Variants in ANKRD7 observed in about 807,000 individuals in gnomAD.
ANKRD7 encodes the protein ankyrin repeat domain 7, also known as ankyrin repeat domain-containing protein 7.
ANKRD7 carries 30 observed loss-of-function variants against 30.8 expected under a neutral mutation model. The ratio of observed to expected loss-of-function variants is 0.97; its 90% CI spans 0.73 to 1.32. The LOEUF is 1.32. Ranked by LOEUF, ANKRD7 falls within the 40% of genes most tolerant of loss-of-function variation. The pLI is 0.00. For missense variants in ANKRD7, 264 were observed against 295.7 expected, an observed-to-expected ratio of 0.89 and a Z score of 0.79; for synonymous variants, 97 against 106.6, an observed-to-expected ratio of 0.91 and a Z score of 0.55.
At chr7:118,236,652 C>T (rs1446112455) in intron 4 of ANKRD7, 138 bp from the exon 5 acceptor site, 8 of 880,314 alleles carry the variant, frequency 9.1e-6, no homozygotes, top group Non-Finnish European at 1.4e-5. Context: ...AGCAGATCTG[C>T]TGTATTTTTT....
At chr7:118,241,868 T>C (rs190663132) in intron 6 of ANKRD7, among the ~76,000 whole-genome samples, 18 of 152,216 alleles carry the variant, frequency 1.2e-4, no homozygotes, top group Admixed American at 2.6e-4. Flanking sequence ...TATACTCTTA[T>C]TTCCTCTTCT....
chr7:118,240,045 T>C, intron 6 of ANKRD7, 47 bp downstream of exon 6: 1 of 1,154,802 alleles, frequency 8.7e-7, no homozygotes, highest in Non-Finnish European at 1.1e-6. Flanking sequence ...TGCTTTTTAT[T>C]TGTTAATTTT....
At chr7:118,239,375 C>T (rs372555607) in intron 5 of ANKRD7, among the ~76,000 whole-genome samples, 45 of 152,260 alleles carry the variant, frequency 3.0e-4, no homozygotes, top group African/African-American at 1.1e-3. Context: ...ACACCCCTGT[C>T]CCCCTACTTC....
At chr7:118,227,332 C>T (rs1282979035) in intron 1 of ANKRD7, among the ~76,000 whole-genome samples, 1 of 152,174 alleles carries the variant, frequency 6.6e-6, no homozygotes, top group Non-Finnish European at 1.5e-5. Flanking sequence ...TGCTGGCAAG[C>T]CACCTCCTTT....
At chr7:118,225,870 A>C (rs1395466460) in intron 1 of ANKRD7, among the ~76,000 whole-genome samples, 1 of 152,040 alleles carries the variant, frequency 6.6e-6, no homozygotes, top group Non-Finnish European at 1.5e-5. Flanking sequence ...ATCTGATTCC[A>C]TTTTCTCACC....
At chr7:118,228,239 C>T (rs1809578197) in intron 1 of ANKRD7, among the ~76,000 whole-genome samples, 1 of 152,138 alleles carries the variant, frequency 6.6e-6, no homozygotes, top group South Asian at 2.1e-4. Context: ...TCTCTCTCTA[C>T]TTTTATCTTC....
intron 1 of ANKRD7, among the ~76,000 whole-genome samples, chr7:118,231,878 G>A (rs1014332440): frequency 1.3e-5 from 2 of 152,046 alleles, no homozygotes; most frequent in Non-Finnish European, 2.9e-5. Context: ...CCAGTACTAA[G>A]CTTCACAGGA....
At chr7:118,239,440 T>C (rs899026641) in intron 5 of ANKRD7, among the ~76,000 whole-genome samples, 3 of 152,080 alleles carry the variant, frequency 2.0e-5, no homozygotes, top group Admixed American at 2.0e-4. Flanking sequence ...AGGTTGGGGA[T>C]CTCTAATCTA....
rs1468978801 is a variant in ANKRD7, at chr7:118,236,935, T to TA, written c.712+10dup. The TA allele has an allele frequency of 6.2e-7, 1 of 1,613,164 alleles. No individual in the cohort carries two copies. Among genetic ancestry groups the TA allele is most frequent in the East Asian group, 2.2e-5 (1 of 44,854 alleles). On this transcript the variant is annotated intron_variant, in intron 5 of 6. Transcript: ENST00000265224. ...TTCCATGGTTTTACTGCGTAAGTGA[T>TA]ACTGCATGTCTTTTAACAACTGTAT... is the stretch of plus-strand genomic sequence containing the variant.
chr7:118,235,992 C>A, intron 3 of ANKRD7, 49 bp from the exon 4 acceptor site: 1 of 980,968 alleles, frequency 1.0e-6, no homozygotes, highest in Non-Finnish European at 1.6e-6. Flanking sequence ...ATCTAAAGAG[C>A]ATGAAAATTT....
chr7:118,225,035 G>A, intron 1 of ANKRD7, 26 bp downstream of exon 1: 1 of 1,612,004 alleles, frequency 6.2e-7, no homozygotes, highest in Non-Finnish European at 8.5e-7. Context: ...AGCCAGCGCG[G>A]GAGGACGGGT....
chr7:118,234,676 T>C, intron 2 of ANKRD7, 25 bp from the exon 3 acceptor site: 1 of 1,586,556 alleles, frequency 6.3e-7, no homozygotes, highest in Non-Finnish European at 8.6e-7. Context: ...AATTGGTTAC[T>C]CATCTACTCT....
At chr7:118,228,077 C>A in intron 1 of ANKRD7, 1 of 1,280,462 alleles carries the variant, frequency 7.8e-7, no homozygotes. Context: ...TTTTATTTGC[C>A]ATATCAGTGG....
chr7:118,239,793 AGTGTGTTACATTCTTGGGGCAGCATTG>A (rs1163760956), intron 5 of ANKRD7, 89 bp from the exon 6 acceptor site: 1 of 487,990 alleles, frequency 2.0e-6, no homozygotes, highest in African/African-American at 2.0e-5. Flanking sequence ...CTTGTCCTCA[AGTGTGTTACATTCTTGGGGCAGCATTG>A]GCTGGTACCT....
Position 118,224,767 on chromosome 7 carries a change from G to T in ANKRD7, c.-64G>T. On this transcript the variant is annotated 5_prime_UTR_variant, in exon 1 of 7. It adds an upstream start codon to the 5' untranslated region. Coordinates refer to ENST00000265224, the MANE Select transcript of ANKRD7 (RefSeq NM_019644.4). ...GGCCGGATGCCAGGGCAGAGGGGCA[G>T]GGCGGACGGCTAGGAGTTCAAGAAA... 1 of 1,550,490 alleles carries T rather than the reference G, an allele frequency of 6.4e-7. No homozygotes were observed. Among genetic ancestry groups the T allele is most frequent in the South Asian group, 1.3e-5 (1 of 79,732 alleles).
intron 1 of ANKRD7, chr7:118,227,874 G>A (rs2115995827): frequency 7.5e-7 from 1 of 1,341,222 alleles, no homozygotes; most frequent in East Asian, 4.6e-5. Flanking sequence ...TTAGGAAAAG[G>A]ATTTGTATTT....
At chr7:118,237,830 T>C (rs1809755749) in intron 5 of ANKRD7, among the ~76,000 whole-genome samples, 1 of 152,100 alleles carries the variant, frequency 6.6e-6, no homozygotes, top group Non-Finnish European at 1.5e-5. Flanking sequence ...ACGTGTACTT[T>C]GTTTTACTTT....
At chr7:118,230,948 T>TA (rs968158504) in intron 1 of ANKRD7, among the ~76,000 whole-genome samples, 17 of 151,496 alleles carry the variant, frequency 1.1e-4, no homozygotes, top group African/African-American at 3.2e-4. Context: ...TGTTTTCTAG[T>TA]AAAAAAAATG....
At chr7:118,229,767 C>T (rs1381023171) in intron 1 of ANKRD7, among the ~76,000 whole-genome samples, 1 of 151,934 alleles carries the variant, frequency 6.6e-6, no homozygotes, top group Admixed American at 6.6e-5. Context: ...TGAACATAGA[C>T]ACAGAAATCA....
Sources: allele counts gnomAD v4.1 joint callset (sites outside exome capture counted in the v4.1 genomes callset), GRCh38; gene constraint gnomAD v4.1.1; transcripts MANE v1.5; gene names NCBI Gene and HGNC (gene_info 2026-07-23, HGNC 2026-07-21).